Variants in NFASC observed in about 807,000 individuals in gnomAD.
NFASC encodes neurofascin homolog.
Under a neutral mutation model 147.5 loss-of-function variants are expected in NFASC, and 43 were observed. The observed-to-expected ratio is 0.29, with a 90% CI of 0.23 to 0.38. NFASC has a LOEUF of 0.38. NFASC is among the 10% of genes least tolerant of loss of function. NFASC has a pLI of 1.00. For missense variants in NFASC, 1,320 were observed against 1,689.0 expected, an observed-to-expected ratio of 0.78 and a Z score of 3.83; for synonymous variants, 622 against 665.5, an observed-to-expected ratio of 0.93 and a Z score of 1.01.
At chr1:204,877,202 C>T (rs2079194804) in intron 1 of NFASC, among the ~76,000 whole-genome samples, 1 of 149,540 alleles carries the variant, frequency 6.7e-6, no homozygotes, top group Admixed American at 6.7e-5. Flanking sequence ...AGGGGATGCA[C>T]ACATGCACAG....
At chr1:205,009,778 G>A in intron 28 of NFASC, 90 bp downstream of exon 28, 2 of 1,372,128 alleles carry the variant, frequency 1.5e-6, no homozygotes, top group Non-Finnish European at 2.0e-6. Flanking sequence ...CGGGGAATGT[G>A]TTCTCTCAGT....
chr1:204,962,839 G>A (rs1213179702), intron 8 of NFASC, among the ~76,000 whole-genome samples: 6 of 152,186 alleles, frequency 3.9e-5, no homozygotes, highest in African/African-American at 1.4e-4. Context: ...TGCGAGACAT[G>A]GAACAATTAC....
At chr1:204,993,952 CCT>C (rs1044529680) in intron 24 of NFASC, among the ~76,000 whole-genome samples, 3 of 152,222 alleles carry the variant, frequency 2.0e-5, no homozygotes, top group African/African-American at 7.2e-5. Flanking sequence ...GTACTAGCCC[CCT>C]GACAGCTCAC....
intron 1 of NFASC, among the ~76,000 whole-genome samples, chr1:204,830,502 CTTTTG>C (rs1173844281): frequency 6.6e-6 from 1 of 152,116 alleles, no homozygotes; most frequent in Non-Finnish European, 1.5e-5. Context: ...TACATTTCAC[CTTTTG>C]TCTTGACTGA....
chr1:204,904,883 TC>T (rs10713363), intron 1 of NFASC, among the ~76,000 whole-genome samples: 80,958 of 151,586 alleles, frequency 0.53, 22,348 homozygotes, highest in African/African-American at 0.68. Flanking sequence ...TTCCTATTCA[TC>T]CATCCACCCA....
Position 205,010,057 on chromosome 1 carries a change from A to G in NFASC, c.3421+369A>G. 1 of 237,866 alleles carries G rather than the reference A, an allele frequency of 4.2e-6. No individual in the cohort carries two copies. Among genetic ancestry groups the G allele is most frequent in the Non-Finnish European group, 8.4e-6 (1 of 119,082 alleles). 14.7% of individuals were successfully genotyped at this position (237,866 alleles called of 1,614,324 possible). A position where few individuals can be genotyped will look rare whatever the true frequency, so the allele number is the denominator to read the frequency against. ...GTCCCAGGGAAGGAGAAAGGAAGAG[A>G]GGCATTTTCCCTAACCGTGTCCCAG... is the stretch of plus-strand genomic sequence containing the variant. On this transcript the variant is annotated intron_variant, in intron 28 of 29. Transcript: ENST00000339876. This position sits in a 1 kb window ranked among gnomAD's most constrained non-coding sequence, Gnocchi z 4.1.
chr1:204,916,443 C>A (rs1345194972), intron 1 of NFASC, among the ~76,000 whole-genome samples: 3 of 152,244 alleles, frequency 2.0e-5, no homozygotes, highest in Non-Finnish European at 4.4e-5. Flanking sequence ...ATCCTCAAAT[C>A]ACAGCCCTCA....
chr1:204,987,385 C>G lies in NFASC; in HGVS notation c.2471-33C>G, dbSNP rs374199434. 4 of 1,604,832 alleles carry G rather than the reference C, an allele frequency of 2.5e-6. No individual in the cohort carries two copies. The highest frequency in any genetic ancestry group is 2.2e-5 in the East Asian group (1 of 44,580). On this transcript the variant is annotated intron_variant, in intron 21 of 29. Transcript: ENST00000339876. The surrounding 1 kb of genome is among the most constrained non-coding windows in gnomAD (Gnocchi z 4.4). ...TCCTCATCCTCCCTGCCCCCTCCCC[C>G]TCATCTCCCCTGCTCTCTCCTCCTT... is the stretch of plus-strand genomic sequence containing the variant.
chr1:205,011,963 C>T (rs1223667440), intron 28 of NFASC, among the ~76,000 whole-genome samples: 1 of 152,178 alleles, frequency 6.6e-6, no homozygotes, highest in Non-Finnish European at 1.5e-5. Flanking sequence ...CCTATAATCC[C>T]AGCTATTTGG....
chr1:204,906,889 T>C (rs2086096228), intron 1 of NFASC, among the ~76,000 whole-genome samples: 1 of 152,158 alleles, frequency 6.6e-6, no homozygotes, highest in Non-Finnish European at 1.5e-5. Context: ...TTCACCATGT[T>C]AGCCAGGATG....
Position 205,016,359 on chromosome 1 carries a change from C to G in NFASC, c.3543C>G (p.Thr1181=). Residue 1181 remains threonine (T), a synonymous_variant, in exon 30 of 30, where the codon ACC becomes ACG. Transcript: ENST00000339876. The surrounding 1 kb of genome is among the most constrained non-coding windows in gnomAD (Gnocchi z 5.1). The stretch of plus-strand genomic sequence containing the variant: ...GCAGTCAGACATCTCTGGACGGCAC[C>G]ATCAAGCAGCAGGAGAGTGACGACA... ...LQGSQTSLDG[T]IKQQESDDSL... is the part of the protein sequence containing the mutation. 6 of 1,614,106 alleles carry G rather than the reference C, an allele frequency of 3.7e-6. No individual in the cohort carries two copies. The highest frequency in any genetic ancestry group is 3.4e-6 in the Non-Finnish European group (4 of 1,180,018).
intron 4 of NFASC, among the ~76,000 whole-genome samples, chr1:204,950,845 T>C (rs1553274028): frequency 6.6e-6 from 1 of 152,168 alleles, no homozygotes; most frequent in Non-Finnish European, 1.5e-5. Context: ...CTCCAGTGGC[T>C]GGCACAGGAC....
intron 21 of NFASC, chr1:204,984,357 A>ATATATG (rs1553306518): frequency 5.2e-6 from 1 of 191,844 alleles, no homozygotes; most frequent in East Asian, 1.0e-4. Context: ...ATATATATAT[A>ATATATG]TGTGTGTGTG....
At chr1:204,993,795 T>C (rs372301503) in intron 24 of NFASC, 31 of 517,920 alleles carry the variant, frequency 6.0e-5, no homozygotes, top group African/African-American at 5.6e-4. Flanking sequence ...GGTGCTGCTC[T>C]GTTGGTAAGC....
rs1227966425 is a variant in NFASC, at chr1:204,920,568, GC to G, written c.-199-63del. On this transcript the variant is annotated intron_variant, in intron 1 of 29. Transcript: ENST00000339876. ...AATGAGCAAGCTGCAAACCACAAAG[GC>G]TTTTTTTTTTCTTCCTTTCTTAGAG... The G allele has an allele frequency of 1.3e-5, 11 of 821,780 alleles. 1 individual carries two copies. The Middle Eastern group carries it at 8.1e-4, about 60-fold the overall frequency. 50.9% of individuals were successfully genotyped at this position (821,780 alleles called of 1,614,324 possible). A position where few individuals can be genotyped will look rare whatever the true frequency, so the allele number is the denominator to read the frequency against.
In NFASC at chr1:204,937,074, A is replaced by G. The variant is rs553674268; in HGVS notation, c.-90-7152A>G. On this transcript the variant is annotated intron_variant, in intron 2 of 29. Transcript: ENST00000339876. ...CCATTCAGGTCTTGGTCAGATGGCA[A>G]CTTCTCACAGAGAGGCCTTCCTTGA... 3.3e-5 allele frequency among the ~76,000 whole-genome samples: 5 copies of G among 152,282 alleles called. No homozygotes were observed. In the East Asian group the frequency reaches 9.6e-4, roughly 29 times the overall value.
intron 1 of NFASC, among the ~76,000 whole-genome samples, chr1:204,874,333 A>G (rs1208390334): frequency 6.6e-6 from 1 of 152,144 alleles, no homozygotes; most frequent in Non-Finnish European, 1.5e-5. Context: ...GCTAAATTCC[A>G]GTTCTTCTGC....
intron 24 of NFASC, among the ~76,000 whole-genome samples, chr1:204,994,868 T>C (rs959667372): frequency 2.0e-5 from 3 of 152,162 alleles, no homozygotes; most frequent in Admixed American, 6.5e-5. Context: ...AGGTGCACAC[T>C]TTGGGAGGCT....
chr1:204,927,508 A>G (rs911166740), intron 2 of NFASC, among the ~76,000 whole-genome samples: 23 of 152,060 alleles, frequency 1.5e-4, no homozygotes, highest in African/African-American at 5.6e-4. Context: ...CCTTTTGAAG[A>G]TCCCTAGACC....
Sources: gnomAD v4.1 joint callset for allele counts (sites outside exome capture counted in the v4.1 genomes callset) on GRCh38, gnomAD v4.1.1 for gene constraint, Gnocchi (gnomAD v3.1) non-coding constraint, MANE v1.5 for transcripts, NCBI Gene and HGNC (gene_info 2026-07-23, HGNC 2026-07-21) for gene names.